CRYL1: variants seen among roughly 807,000 people sequenced by gnomAD.
The protein encoded by CRYL1 is lambda-crystallin homolog.
CRYL1 carries 29 observed loss-of-function variants against 36.6 expected under a neutral mutation model. The ratio of observed to expected loss-of-function variants is 0.79; its 90% CI spans 0.59 to 1.08. CRYL1 has a LOEUF of 1.08. Among genes scored for constraint, CRYL1 ranks in the 50% least tolerant of loss-of-function variants. CRYL1 has a pLI of 0.00. For synonymous variants in CRYL1, 152 were observed against 151.5 expected, an observed-to-expected ratio of 1.00 and a Z score of -0.02; for missense variants, 411 against 407.9, an observed-to-expected ratio of 1.01 and a Z score of -0.06.
intron 3 of CRYL1, among the ~76,000 whole-genome samples, chr13:20,468,056 A>G (rs185896778): frequency 2.6e-5 from 4 of 152,206 alleles, no homozygotes; most frequent in African/African-American, 9.6e-5. Context: ...TCCTGAAGCC[A>G]TTCGCACCTC....
rs754006722 is a variant in CRYL1 at position 20,413,308 on chromosome 13, A to T, written c.713T>A (p.Leu238Gln). The T allele has an allele frequency of 4.3e-6, 7 of 1,613,234 alleles. No individual in the cohort carries two copies. The highest frequency in any genetic ancestry group is 5.9e-6 in the Non-Finnish European group (7 of 1,179,266). Residue 238 changes from leucine to glutamine, a missense_variant, in exon 6 of 8, where the codon CTG becomes CAG. Coordinates refer to ENST00000298248, the MANE Select transcript of CRYL1 (RefSeq NM_015974.3). ...LGMRYAFIGP[L>Q]ETMHLNAEGM... is the part of the protein sequence containing the mutation. Reference sequence around the variant, plus strand: ...TTCTGCATTGAGATGCATGGTTTCCAGGGGTCCAATGAATGCATACCGCAT... The same window carrying T: ...TTCTGCATTGAGATGCATGGTTTCCTGGGGTCCAATGAATGCATACCGCAT...
At chr13:20,438,939 TGCTTGCACGCCAA>T (rs1410008995) in intron 4 of CRYL1, among the ~76,000 whole-genome samples, 3 of 152,174 alleles carry the variant, frequency 2.0e-5, no homozygotes, top group African/African-American at 7.2e-5. Flanking sequence ...ATTCCTTGAG[TGCTTGCACGCCAA>T]TCTGAAACTC....
At chr13:20,439,505 C>G in intron 4 of CRYL1, 88 bp downstream of exon 4, 2 of 1,016,636 alleles carry the variant, frequency 2.0e-6, no homozygotes, top group Non-Finnish European at 2.7e-6. Context: ...TATTGACCCC[C>G]CTCCCCCGCA....
chr13:20,441,651 C>G lies in CRYL1; in HGVS notation c.277-1897G>C, dbSNP rs139851102. ...AAATGTGCAAATGTGAAATTCAATG[C>G]TGAAGTACTGCTAGAAATTATATCA... On this transcript the variant is annotated intron_variant, in intron 3 of 7. Transcript: ENST00000298248. Among the ~76,000 whole-genome samples the G allele has an allele frequency of 3.7e-3, 564 of 152,288 alleles. 4 individuals carry two copies. The highest frequency in any genetic ancestry group is 0.011 in the African/African-American group (474 of 41,560).
intron 3 of CRYL1, among the ~76,000 whole-genome samples, chr13:20,486,673 T>C (rs1188583013): frequency 1.3e-5 from 2 of 152,228 alleles, no homozygotes; most frequent in Non-Finnish European, 2.9e-5. Context: ...CTCATCCGGC[T>C]TGGCTCTGTG....
At chr13:20,446,175 A>T (rs2032450818) in intron 3 of CRYL1, among the ~76,000 whole-genome samples, 1 of 152,174 alleles carries the variant, frequency 6.6e-6, no homozygotes. Context: ...GCAGTGGCAC[A>T]ATCTTGGCTC....
chr13:20,521,997 G>A (rs954342987), intron 1 of CRYL1, among the ~76,000 whole-genome samples: 1 of 152,132 alleles, frequency 6.6e-6, no homozygotes, highest in African/African-American at 2.4e-5. Context: ...ACAAAAATTA[G>A]CAGGAAAATA....
chr13:20,413,307 C>CAGGGGT lies in CRYL1; in HGVS notation c.708_713dup (p.Pro237_Leu238dup). ...CTTCTGCATTGAGATGCATGGTTTC[C>CAGGGGT]AGGGGTCCAATGAATGCATACCGCA... On this transcript the variant is annotated inframe_insertion, in exon 6 of 8. Coordinates refer to ENST00000298248, the MANE Select transcript of CRYL1 (RefSeq NM_015974.3). The CAGGGGT allele has an allele frequency of 6.2e-7, 1 of 1,613,240 alleles. No homozygotes were observed. The highest frequency in any genetic ancestry group is 1.6e-4 in the Middle Eastern group (1 of 6,062).
At chr13:20,487,450 T>C (rs955130762) in intron 3 of CRYL1, among the ~76,000 whole-genome samples, 4 of 152,168 alleles carry the variant, frequency 2.6e-5, no homozygotes, top group African/African-American at 9.6e-5. Flanking sequence ...GGAACTCTGT[T>C]CAGAGAGACT....
intron 1 of CRYL1, among the ~76,000 whole-genome samples, chr13:20,517,899 G>C (rs1275262601): frequency 2.3e-5 from 3 of 129,036 alleles, no homozygotes; most frequent in African/African-American, 8.8e-5. Context: ...TCACACCACT[G>C]CACTCCAGCC....
At chr13:20,455,899 A>T (rs538355893) in intron 3 of CRYL1, among the ~76,000 whole-genome samples, 72 of 152,226 alleles carry the variant, frequency 4.7e-4, no homozygotes, top group Non-Finnish European at 8.8e-4. Flanking sequence ...TGACACATGG[A>T]TCAATATTAT....
chr13:20,439,875 G>C (rs2032317725), intron 3 of CRYL1, 121 bp from the exon 4 acceptor site: 1 of 961,302 alleles, frequency 1.0e-6, no homozygotes, highest in Non-Finnish European at 1.6e-6. Context: ...TTCAAGACGT[G>C]TTATCCCAAA....
intron 1 of CRYL1, among the ~76,000 whole-genome samples, chr13:20,522,541 C>T (rs1280361994): frequency 2.6e-5 from 4 of 152,184 alleles, no homozygotes; most frequent in African/African-American, 9.7e-5. Context: ...CTGTTACAAA[C>T]GCTCAACTAT....
rs2032202148 is a variant in CRYL1 at position 20,435,870 on chromosome 13, G to A, written c.439-3574C>T. On this transcript the variant is annotated intron_variant, in intron 4 of 7. Coordinates refer to ENST00000298248, the MANE Select transcript of CRYL1 (RefSeq NM_015974.3). This position sits in a 1 kb window ranked among gnomAD's most constrained non-coding sequence, Gnocchi z 4.0. Reference sequence around the variant, plus strand: ...AGGGCCGACAGCGCCCTCGCGGGAGGCAGCCGGGCTGGGGCCTCTTGCCAG... The same window carrying A: ...AGGGCCGACAGCGCCCTCGCGGGAGACAGCCGGGCTGGGGCCTCTTGCCAG... Among the ~76,000 whole-genome samples the A allele has an allele frequency of 1.3e-5, 2 of 152,276 alleles. No individual in the cohort carries two copies. Among genetic ancestry groups the A allele is most frequent in the African/African-American group, 4.8e-5 (2 of 41,576 alleles).
In CRYL1 at chr13:20,435,275, T is replaced by C. The variant is rs1197110377; in HGVS notation, c.439-2979A>G. Among the ~76,000 whole-genome samples, 1 of 152,202 alleles carries C rather than the reference T, an allele frequency of 6.6e-6. No homozygotes were observed. The highest frequency in any genetic ancestry group is 1.5e-5 in the Non-Finnish European group (1 of 68,034). On this transcript the variant is annotated intron_variant, in intron 4 of 7. Transcript: ENST00000298248. This position sits in a 1 kb window ranked among gnomAD's most constrained non-coding sequence, Gnocchi z 4.0. ...AAAGTAAAAAACAGGACTTTGATCATGCCTTCTCCAACGAAAAATCTTGAA... is the reference window on the plus strand; with the variant it reads ...AAAGTAAAAAACAGGACTTTGATCACGCCTTCTCCAACGAAAAATCTTGAA...
At chr13:20,459,142 A>C (rs1303513053) in intron 3 of CRYL1, among the ~76,000 whole-genome samples, 2 of 149,476 alleles carry the variant, frequency 1.3e-5, no homozygotes, top group Non-Finnish European at 3.0e-5. Context: ...AGGCTGAGGC[A>C]GGAGAATGGC....
intron 3 of CRYL1, among the ~76,000 whole-genome samples, chr13:20,470,975 A>G (rs2033044904): frequency 6.6e-6 from 1 of 151,690 alleles, no homozygotes; most frequent in African/African-American, 2.4e-5. Context: ...TCTTTAAAAA[A>G]AAATAAGAGC....
At chr13:20,429,856 C>T (rs530411713) in intron 5 of CRYL1, among the ~76,000 whole-genome samples, 1 of 152,316 alleles carries the variant, frequency 6.6e-6, no homozygotes, top group South Asian at 2.1e-4. Flanking sequence ...ACCCAATTAA[C>T]ATGCCAAGCA....
intron 3 of CRYL1, among the ~76,000 whole-genome samples, chr13:20,476,282 G>A (rs1593471694): frequency 6.6e-6 from 1 of 151,560 alleles, no homozygotes; most frequent in African/African-American, 2.4e-5. Context: ...TGGAACCCGG[G>A]AGGCAGAGGC....
Sources: gnomAD v4.1 joint callset for allele counts (sites outside exome capture counted in the v4.1 genomes callset) on GRCh38, gnomAD v4.1.1 for gene constraint, Gnocchi (gnomAD v3.1) non-coding constraint, MANE v1.5 for transcripts, NCBI Gene and HGNC (gene_info 2026-07-23, HGNC 2026-07-21) for gene names.